SDCCAG8: variants seen among roughly 807,000 people sequenced by gnomAD.
SDCCAG8 encodes the protein SHH signaling and ciliogenesis regulator SDCCAG8.
A neutral mutation model predicts 101.8 loss-of-function variants in SDCCAG8; 74 were observed. That is an observed-to-expected ratio of 0.73 (90% CI 0.60 to 0.88). The LOEUF (loss-of-function observed/expected upper bound fraction) is 0.88. SDCCAG8 is among the 40% of genes least tolerant of loss of function. SDCCAG8 has a pLI of 0.00. For synonymous variants in SDCCAG8, 281 were observed against 292.9 expected, an observed-to-expected ratio of 0.96 and a Z score of 0.41; for missense variants, 787 against 822.6, an observed-to-expected ratio of 0.96 and a Z score of 0.53.
At chr1:243,321,515 G>T (rs1253420831) in intron 9 of SDCCAG8, among the ~76,000 whole-genome samples, 2 of 152,148 alleles carry the variant, frequency 1.3e-5, no homozygotes, top group African/African-American at 2.4e-5. Context: ...CTTTGCTTAG[G>T]ATTATGTCTT....
At chr1:243,291,429 A>G (rs2070253431) in intron 5 of SDCCAG8, among the ~76,000 whole-genome samples, 1 of 152,178 alleles carries the variant, frequency 6.6e-6, no homozygotes. Context: ...TCACTGCCAC[A>G]TGGCAGTGAT....
rs1337901739 is a variant in SDCCAG8, at chr1:243,398,734, C to T, written c.1617-16968C>T. On this transcript the variant is annotated intron_variant, in intron 13 of 17. Transcript: ENST00000366541. ...GAAAGACAGTAAAAAGAAACTGCAA[C>T]AATCAGTGTCATCATTTGATAGTCA... Among the ~76,000 whole-genome samples the T allele has an allele frequency of 2.0e-5, 3 of 152,144 alleles. No homozygotes were observed. In the East Asian group the frequency reaches 5.8e-4, roughly 29 times the overall value.
intron 16 of SDCCAG8, among the ~76,000 whole-genome samples, chr1:243,487,567 A>G (rs1352759767): frequency 6.6e-6 from 1 of 152,170 alleles, no homozygotes; most frequent in Non-Finnish European, 1.5e-5. Flanking sequence ...CTGATCCTGG[A>G]GGCAGGGCAG....
intron 10 of SDCCAG8, among the ~76,000 whole-genome samples, chr1:243,333,062 T>C (rs890392265): frequency 6.6e-6 from 1 of 152,260 alleles, no homozygotes; most frequent in African/African-American, 2.4e-5. Flanking sequence ...ATGGAAGCCG[T>C]TGGGTGATGA....
intron 12 of SDCCAG8, chr1:243,346,365 G>A (rs2075706643): frequency 2.6e-5 from 4 of 153,538 alleles, no homozygotes; most frequent in Non-Finnish European, 5.9e-5. Context: ...ATGTTTAAGT[G>A]TTGTGTATCT....
At chr1:243,373,481 C>A (rs1276240523) in intron 12 of SDCCAG8, among the ~76,000 whole-genome samples, 2 of 152,042 alleles carry the variant, frequency 1.3e-5, no homozygotes. Flanking sequence ...TTTGGCTGAT[C>A]TGTGCTGTAT....
At chr1:243,354,123 C>G (rs977640793) in intron 12 of SDCCAG8, among the ~76,000 whole-genome samples, 1 of 152,210 alleles carries the variant, frequency 6.6e-6, no homozygotes, top group Admixed American at 6.5e-5. Flanking sequence ...GAGCAAACCT[C>G]TCAGAGCCTC....
chr1:243,387,932 T>C (rs2078415522), intron 13 of SDCCAG8, among the ~76,000 whole-genome samples: 1 of 152,124 alleles, frequency 6.6e-6, no homozygotes, highest in African/African-American at 2.4e-5. Context: ...GCCAGACTGG[T>C]CTCAAACTCC....
intron 7 of SDCCAG8, 121 bp downstream of exon 7, chr1:243,304,898 C>T: frequency 1.5e-6 from 1 of 688,038 alleles, no homozygotes; most frequent in Non-Finnish European, 2.6e-6. Context: ...CATTTTAATA[C>T]ACTTTAAAAA....
intron 16 of SDCCAG8, among the ~76,000 whole-genome samples, chr1:243,484,313 G>A (rs1458826621): frequency 6.6e-6 from 1 of 152,240 alleles, no homozygotes; most frequent in Non-Finnish European, 1.5e-5. Flanking sequence ...TTTGCAGTGC[G>A]GCCCCGAAGT....
chr1:243,483,213 C>T (rs1215511212), intron 16 of SDCCAG8, among the ~76,000 whole-genome samples: 1 of 152,054 alleles, frequency 6.6e-6, no homozygotes, highest in East Asian at 1.9e-4. Context: ...GAGGAGGCGG[C>T]GGGCGCCCGG....
intron 16 of SDCCAG8, among the ~76,000 whole-genome samples, chr1:243,468,280 T>G (rs1424650067): frequency 6.6e-6 from 1 of 151,622 alleles, no homozygotes; most frequent in African/African-American, 2.4e-5. Flanking sequence ...TGCAGTGGCA[T>G]GATCTTGGCT....
chr1:243,381,795 T>C (rs562084010), intron 13 of SDCCAG8, among the ~76,000 whole-genome samples: 14 of 152,154 alleles, frequency 9.2e-5, no homozygotes, highest in Non-Finnish European at 1.8e-4. Flanking sequence ...CATCTGTATA[T>C]GCAAATGTAA....
At chr1:243,317,486 A>G (rs772782801) in intron 9 of SDCCAG8, among the ~76,000 whole-genome samples, 14 of 151,968 alleles carry the variant, frequency 9.2e-5, no homozygotes, top group Non-Finnish European at 1.8e-4. Context: ...ATGCCCAGCT[A>G]ATTTTTGTAT....
At chr1:243,327,513 A>G (rs1363587600) in intron 9 of SDCCAG8, among the ~76,000 whole-genome samples, 1 of 150,270 alleles carries the variant, frequency 6.7e-6, no homozygotes, top group Non-Finnish European at 1.5e-5. Flanking sequence ...TTTTGTAGAA[A>G]TTAAAATTAT....
chr1:243,283,333 T>C (rs1301841044), intron 4 of SDCCAG8, among the ~76,000 whole-genome samples: 1 of 151,612 alleles, frequency 6.6e-6, no homozygotes, highest in Non-Finnish European at 1.5e-5. Context: ...ATTCAGGAAA[T>C]TTTTCAGTCA....
intron 16 of SDCCAG8, among the ~76,000 whole-genome samples, chr1:243,477,018 A>ACG (rs35281423): frequency 0.52 from 74,722 of 143,990 alleles, 20,796 homozygotes; most frequent in East Asian, 0.78. Context: ...ACACACACAC[A>ACG]CACACACACA....
chr1:243,301,020 A>G (rs899786888), intron 6 of SDCCAG8, among the ~76,000 whole-genome samples: 3 of 152,196 alleles, frequency 2.0e-5, no homozygotes. Flanking sequence ...GTAATAGTCT[A>G]TTTTATCATC....
intron 8 of SDCCAG8, among the ~76,000 whole-genome samples, chr1:243,311,663 C>T (rs759058868): frequency 4.6e-5 from 7 of 151,786 alleles, no homozygotes; most frequent in African/African-American, 1.5e-4. Flanking sequence ...GCCTGTAATC[C>T]CAGCACTTTG....
Sources: gnomAD v4.1 joint callset for allele counts (sites outside exome capture counted in the v4.1 genomes callset) on GRCh38, gnomAD v4.1.1 for gene constraint, MANE v1.5 for transcripts, NCBI Gene and HGNC (gene_info 2026-07-23, HGNC 2026-07-21) for gene names.